Variants in YWHAQ observed in about 807,000 individuals in gnomAD.
YWHAQ encodes the protein 14-3-3 protein theta.
Under a neutral mutation model 28.3 loss-of-function variants are expected in YWHAQ, and 6 were observed. That is an observed-to-expected ratio of 0.21 (90% confidence interval 0.12 to 0.42). The LOEUF (loss-of-function observed/expected upper bound fraction) is 0.42, where lower values mean the gene tolerates loss of function less well. YWHAQ is among the 10% of genes least tolerant of loss of function. The probability of loss-of-function intolerance (pLI) is 1.00; values close to 1 mark genes in which losing one functional copy is unlikely to be tolerated. For missense variants in YWHAQ, 201 were observed against 305.6 expected (o/e 0.66, Z 2.55); for synonymous variants, 143 against 119.1 (o/e 1.20, Z -1.31).
rs182386250 is a variant in YWHAQ, at chr2:9,618,843, A to C, written c.294+11316T>G. ...TTTATTTCAGATGTTCAAAACAACA[A>C]ACAAAAATAACACACTAGAAAAAAT... On this transcript the variant is annotated intron_variant, in intron 2 of 5. Transcript: ENST00000238081. 5.3e-5 allele frequency among the ~76,000 whole-genome samples: 8 copies of C among 152,248 alleles called. No homozygotes were observed. In the East Asian group the frequency reaches 1.4e-3, roughly 26 times the overall value.
chr2:9,591,404 C>T lies in YWHAQ; in HGVS notation c.406G>A (p.Asp136Asn). 1 of 1,611,608 alleles carries T rather than the reference C, an allele frequency of 6.2e-7. No homozygotes were observed. Among genetic ancestry groups the T allele is most frequent in the Non-Finnish European group, 8.5e-7 (1 of 1,178,272 alleles). The change falls in exon 3 of 6, where the codon GAT becomes AAT. Residue 136 changes from aspartate (D) to asparagine (N), a missense_variant. Transcript: ENST00000238081. The stretch of plus-strand genomic sequence containing the variant: ...CAAATAAACTTACGTTTTCGATCAT[C>T]ACCACACGCAACTTCAGCAAGGTAC... Reference protein sequence around the residue: ...FRYLAEVACGDDRKQTIDNSQ... With the variant: ...FRYLAEVACGNDRKQTIDNSQ...
intron 2 of YWHAQ, among the ~76,000 whole-genome samples, chr2:9,626,285 C>T (rs1029032371): frequency 1.3e-5 from 2 of 152,126 alleles, no homozygotes; most frequent in Admixed American, 1.3e-4. Flanking sequence ...GTTCTTATTC[C>T]AAGGTCACTG....
At chr2:9,610,037 T>A (rs1284658692) in intron 2 of YWHAQ, among the ~76,000 whole-genome samples, 1 of 152,208 alleles carries the variant, frequency 6.6e-6, no homozygotes, top group Non-Finnish European at 1.5e-5. Context: ...ATTATCTTAA[T>A]TTTGGAGGAC....
intron 2 of YWHAQ, among the ~76,000 whole-genome samples, chr2:9,595,497 G>C (rs191663099): frequency 7.6e-4 from 115 of 152,114 alleles, no homozygotes; most frequent in Non-Finnish European, 1.2e-3. Flanking sequence ...TTGAGGTCAG[G>C]AGTTCAAGAC....
intron 2 of YWHAQ, among the ~76,000 whole-genome samples, chr2:9,616,050 G>A (rs976856140): frequency 3.3e-5 from 5 of 152,130 alleles, no homozygotes; most frequent in Non-Finnish European, 7.4e-5. Flanking sequence ...TGATTTCAGC[G>A]TGCAGAAAGG....
In YWHAQ at chr2:9,630,169, G is replaced by T. The variant is rs761396781; in HGVS notation, c.284C>A (p.Thr95Asn). ...KVESELRSIC[T>N]TVLELLDKYL... ...GCGCCGAGGACTCACCAGCACCGTG[G>T]TGCAGATGGATCTCAGCTCGGACTC... is the stretch of plus-strand genomic sequence containing the variant. The change falls in exon 2 of 6, where the codon ACC (threonine) becomes AAC (asparagine). Residue 95 changes from threonine to asparagine, a missense_variant. Thr to Asn is a moderately conservative substitution (Grantham distance 65). Coordinates refer to ENST00000238081, the MANE Select transcript of YWHAQ (RefSeq NM_006826.4). This position sits in a 1 kb window ranked among gnomAD's most constrained non-coding sequence, Gnocchi z 5.6. 2 of 1,613,396 alleles carry T rather than the reference G, an allele frequency of 1.2e-6. No homozygotes were observed. Among genetic ancestry groups the T allele is most frequent in the African/African-American group, 2.7e-5 (2 of 74,930 alleles).
chr2:9,622,613 A>C (rs972664028), intron 2 of YWHAQ, among the ~76,000 whole-genome samples: 4 of 152,234 alleles, frequency 2.6e-5, no homozygotes, highest in Admixed American at 2.6e-4. Flanking sequence ...AACTTATAAT[A>C]GGGAATTTTA....
intron 3 of YWHAQ, 91 bp downstream of exon 3, chr2:9,591,301 C>A: frequency 1.4e-6 from 2 of 1,407,566 alleles, no homozygotes; most frequent in South Asian, 3.2e-5. Context: ...TCACAAAGAG[C>A]CTGAAGACTA....
intron 2 of YWHAQ, among the ~76,000 whole-genome samples, chr2:9,598,755 C>T (rs62119426): frequency 0.03 from 4,580 of 152,274 alleles, 95 homozygotes; most frequent in Non-Finnish European, 0.044. Flanking sequence ...GGGGTGCTCC[C>T]AATCTCTTCT....
intron 2 of YWHAQ, among the ~76,000 whole-genome samples, chr2:9,597,985 ATTTTTTTTTTTTTTT>A (rs547582835): frequency 6.4e-5 from 4 of 62,480 alleles, no homozygotes; most frequent in Admixed American, 4.1e-4. Context: ...ATGCCGGGCT[ATTTTTTTTTTTTTTT>A]TTTTTTTTTT....
chr2:9,616,067 G>A (rs1667035782), intron 2 of YWHAQ, among the ~76,000 whole-genome samples: 1 of 152,122 alleles, frequency 6.6e-6, no homozygotes, highest in Non-Finnish European at 1.5e-5. Context: ...AAGGGAGAGG[G>A]AATACATTAC....
At chr2:9,622,266 A>AT (rs890907643) in intron 2 of YWHAQ, among the ~76,000 whole-genome samples, 8 of 151,278 alleles carry the variant, frequency 5.3e-5, no homozygotes, top group Non-Finnish European at 8.8e-5. Context: ...ATTATTCCTG[A>AT]TTTTTTTTCC....
chr2:9,617,881 C>T (rs557111078), intron 2 of YWHAQ, among the ~76,000 whole-genome samples: 15 of 151,362 alleles, frequency 9.9e-5, no homozygotes, highest in East Asian at 5.8e-4. Context: ...GAGTCATGAC[C>T]GTGCCATTGT....
chr2:9,625,967 A>G (rs2125074980), intron 2 of YWHAQ, among the ~76,000 whole-genome samples: 1 of 151,828 alleles, frequency 6.6e-6, no homozygotes, highest in East Asian at 1.9e-4. Context: ...AAAACATATC[A>G]GTCTTACTAA....
rs1666317449 is a variant in YWHAQ, at chr2:9,585,162, C to T, written c.*124G>A. 1 of 1,079,498 alleles carries T rather than the reference C, an allele frequency of 9.3e-7. No homozygotes were observed. The highest frequency in any genetic ancestry group is 1.4e-6 in the Non-Finnish European group (1 of 726,224). The allele number at this position is 1,079,498 out of a possible 1,614,324, so 66.9% of individuals were successfully genotyped here. ...TTCCCAAAGCTGCAGTGTGAAAAGACTATAAACAGTTGATTCCATACACAT... is the reference window on the plus strand; with the variant it reads ...TTCCCAAAGCTGCAGTGTGAAAAGATTATAAACAGTTGATTCCATACACAT... On this transcript the variant is annotated 3_prime_UTR_variant, in exon 6 of 6. Coordinates refer to ENST00000238081, the MANE Select transcript of YWHAQ (RefSeq NM_006826.4).
At chr2:9,602,867 A>ATG (rs1231813661) in intron 2 of YWHAQ, among the ~76,000 whole-genome samples, 4 of 11,720 alleles carry the variant, frequency 3.4e-4, no homozygotes, top group South Asian at 3.9e-3. Context: ...AAAAAAATAT[A>ATG]TATATATATA....
rs1207663287 is a variant in YWHAQ at position 9,585,277 on chromosome 2, T to C, written c.*9A>G. The C allele has an allele frequency of 1.9e-6, 3 of 1,613,966 alleles. No homozygotes were observed. The highest frequency in any genetic ancestry group is 2.5e-6 in the Non-Finnish European group (3 of 1,179,988). On this transcript the variant is annotated 3_prime_UTR_variant, in exon 6 of 6. Transcript: ENST00000238081. Reference sequence around the variant, plus strand: ...CTTGAAGGAAAGAAGGATGACACCCTGTATGGATTTAGTTTTCAGCCCCTT... The same window carrying C: ...CTTGAAGGAAAGAAGGATGACACCCCGTATGGATTTAGTTTTCAGCCCCTT...
At chr2:9,618,663 C>A (rs13398449) in intron 2 of YWHAQ, among the ~76,000 whole-genome samples, 1 of 150,916 alleles carries the variant, frequency 6.6e-6, no homozygotes, top group East Asian at 1.9e-4. Context: ...ACATCCCCAG[C>A]CACTGTTTTG....
At chr2:9,605,998 T>C (rs1313234821) in intron 2 of YWHAQ, among the ~76,000 whole-genome samples, 1 of 152,212 alleles carries the variant, frequency 6.6e-6, no homozygotes, top group Non-Finnish European at 1.5e-5. Flanking sequence ...TCCATGTCCA[T>C]ATATTTAATA....
Sources: gnomAD v4.1 joint callset for allele counts (sites outside exome capture counted in the v4.1 genomes callset) on GRCh38, gnomAD v4.1.1 for gene constraint, Gnocchi (gnomAD v3.1) non-coding constraint, MANE v1.5 for transcripts, NCBI Gene and HGNC (gene_info 2026-07-23, HGNC 2026-07-21) for gene names.